Variants in MARK2 observed in about 807,000 individuals in gnomAD.
MARK2 encodes the protein serine/threonine-protein kinase MARK2.
Under a neutral mutation model 89.8 loss-of-function variants are expected in MARK2, and 16 were observed. That is an observed-to-expected ratio of 0.18 (90% CI 0.12 to 0.27). MARK2 has a LOEUF of 0.27. MARK2 is among the 10% of genes least tolerant of loss of function. MARK2 has a pLI of 1.00. For missense variants in MARK2, 621 were observed against 1,049.9 expected, an observed-to-expected ratio of 0.59 and a Z score of 5.65; for synonymous variants, 382 against 399.5, an observed-to-expected ratio of 0.96 and a Z score of 0.52.
intron 7 of MARK2, 118 bp from the exon 8 acceptor site, chr11:63,899,756 A>G: frequency 1.4e-6 from 1 of 733,508 alleles, no homozygotes. Flanking sequence ...ATTGGTGGAG[A>G]AAGTTCTGAG....
At chr11:63,899,218 C>A in intron 7 of MARK2, 110 bp downstream of exon 7, 2 of 713,380 alleles carry the variant, frequency 2.8e-6, no homozygotes, top group African/African-American at 3.6e-5. Context: ...TTCCAGGAAA[C>A]TCCAGCCTTT....
chr11:63,902,507 G>A lies in MARK2; in HGVS notation c.1235-94G>A, dbSNP rs1188609108. ...CCTCTGTGGAATGGGGGCTTGCTGG[G>A]TTGTTGGCCAGCCCTGTAGGAAATG... On this transcript the variant is annotated intron_variant, in intron 12 of 18. Coordinates refer to ENST00000402010, the MANE Select transcript of MARK2 (RefSeq NM_001039469.3). The surrounding 1 kb of genome is among the most constrained non-coding windows in gnomAD (Gnocchi z 4.2). 1.4e-6 allele frequency: 2 copies of A among 1,415,674 alleles called. No homozygotes were observed. 87.7% of individuals were successfully genotyped at this position (1,415,674 alleles called of 1,614,324 possible).
At position 63,904,794 on chromosome 11, in the gene MARK2, C is replaced by T. The variant is rs1565147580; in HGVS notation, c.1685C>T (p.Pro562Leu). The T allele has an allele frequency of 1.2e-6, 2 of 1,614,020 alleles. No individual in the cohort carries two copies. The highest frequency in any genetic ancestry group is 1.1e-5 in the South Asian group (1 of 91,066). The change falls in exon 16 of 19, where the codon CCC becomes CTC. Residue 562 changes from proline (P) to leucine (L), a missense_variant. This residue lies in a region of MARK2 where 397 missense variants were observed against 567.8 expected (regional missense o/e 0.70). Coordinates refer to ENST00000402010, the MANE Select transcript of MARK2 (RefSeq NM_001039469.3). This position sits in a 1 kb window ranked among gnomAD's most constrained non-coding sequence, Gnocchi z 6.3. ...CACTTCTCTTCCCACAGCACAGCCC[C>T]CCAGCGTGTCCCTGTTGCCTCCCCA... is the stretch of plus-strand genomic sequence containing the variant. The part of the protein sequence containing the change: ...NCEVPRPSTA[P>L]QRVPVASPSA...
At chr11:63,877,020 C>T (rs780486258) in intron 1 of MARK2, among the ~76,000 whole-genome samples, 19 of 151,432 alleles carry the variant, frequency 1.3e-4, no homozygotes, top group Non-Finnish European at 1.8e-4. Context: ...GTTCATACCA[C>T]AGAGGTTAGA....
chr11:63,857,845 T>A (rs901211420), intron 1 of MARK2, among the ~76,000 whole-genome samples: 13 of 152,104 alleles, frequency 8.5e-5, no homozygotes, highest in South Asian at 2.1e-4. Context: ...ATTTTTTTTT[T>A]ATTTTTTTAT....
intron 1 of MARK2, among the ~76,000 whole-genome samples, chr11:63,883,255 AGG>A (rs1420961618): frequency 4.6e-5 from 7 of 152,182 alleles, no homozygotes; most frequent in Non-Finnish European, 8.8e-5. Context: ...CAGAGGGCGA[AGG>A]CATGGGCACC....
intron 1 of MARK2, among the ~76,000 whole-genome samples, chr11:63,845,689 C>T (rs1676045749): frequency 6.6e-6 from 1 of 152,152 alleles, no homozygotes; most frequent in South Asian, 2.1e-4. Flanking sequence ...CTGCCACCCG[C>T]CCCCTTCCTT....
chr11:63,886,182 A>G (rs1056599199), intron 1 of MARK2, among the ~76,000 whole-genome samples: 7 of 151,464 alleles, frequency 4.6e-5, no homozygotes, highest in Non-Finnish European at 8.8e-5. Context: ...GCTGGAGTGC[A>G]GTGGCACGAT....
intron 1 of MARK2, among the ~76,000 whole-genome samples, chr11:63,847,755 A>G (rs193041737): frequency 2.0e-5 from 3 of 152,270 alleles, no homozygotes; most frequent in Admixed American, 2.0e-4. Flanking sequence ...TTTCACTGAA[A>G]GCTCTAAGAC....
At chr11:63,853,815 G>A (rs1266441580) in intron 1 of MARK2, among the ~76,000 whole-genome samples, 2 of 151,092 alleles carry the variant, frequency 1.3e-5, no homozygotes, top group Admixed American at 1.3e-4. Flanking sequence ...CTTGAATGAA[G>A]GATTAAAGAC....
rs1181705836 is a variant in MARK2, at chr11:63,902,271, C to G, written c.1175C>G (p.Ser392Cys). ...DLTNSSAPSPSHKVQRSVSAN... is the reference protein window; with the variant it reads ...DLTNSSAPSPCHKVQRSVSAN... The stretch of plus-strand genomic sequence containing the variant: ...ACCAATAGCAGCGCCCCATCCCCAT[C>G]CCACAAGGTACAGCGCAGCGTGTCG... Residue 392 changes from serine (S) to cysteine (C), a missense_variant, in exon 12 of 19, where the codon TCC becomes TGC. Ser to Cys is a moderately radical substitution (Grantham distance 112, BLOSUM62 -1). Coordinates refer to ENST00000402010, the MANE Select transcript of MARK2 (RefSeq NM_001039469.3). This position sits in a 1 kb window ranked among gnomAD's most constrained non-coding sequence, Gnocchi z 4.2. The G allele has an allele frequency of 6.2e-7, 1 of 1,614,026 alleles. No individual in the cohort carries two copies. The highest frequency in any genetic ancestry group is 8.5e-7 in the Non-Finnish European group (1 of 1,180,018).
At chr11:63,844,364 G>A (rs554950457) in intron 1 of MARK2, among the ~76,000 whole-genome samples, 1 of 152,170 alleles carries the variant, frequency 6.6e-6, no homozygotes, top group Non-Finnish European at 1.5e-5. Flanking sequence ...CATGCCTGTG[G>A]TTGCAGCTAC....
chr11:63,882,628 A>G (rs1373227908), intron 1 of MARK2: 1 of 152,044 alleles, frequency 6.6e-6, no homozygotes, highest in African/African-American at 2.4e-5. Context: ...TCATCCTTGC[A>G]CAGGGGCCAT....
chr11:63,856,549 A>G (rs1280580989), intron 1 of MARK2, among the ~76,000 whole-genome samples: 1 of 150,288 alleles, frequency 6.7e-6, no homozygotes, highest in African/African-American at 2.4e-5. Flanking sequence ...TCCGCCTCCC[A>G]AGTAGCTGAG....
At chr11:63,907,380 C>T (rs758267891) in intron 17 of MARK2, among the ~76,000 whole-genome samples, 1 of 152,206 alleles carries the variant, frequency 6.6e-6, no homozygotes, top group Non-Finnish European at 1.5e-5. Flanking sequence ...TCGCAGTGCG[C>T]TTGTGTGCAC....
chr11:63,858,726 G>T (rs1420684643), intron 1 of MARK2, among the ~76,000 whole-genome samples: 2 of 152,214 alleles, frequency 1.3e-5, no homozygotes, highest in African/African-American at 4.8e-5. Context: ...TCATCAGTAA[G>T]AGTAAAGGGA....
chr11:63,861,215 C>T (rs1937752131), intron 1 of MARK2, among the ~76,000 whole-genome samples: 1 of 152,092 alleles, frequency 6.6e-6, no homozygotes, highest in Non-Finnish European at 1.5e-5. Flanking sequence ...GCGGGCGGAT[C>T]ACGAGGTCAG....
intron 1 of MARK2, among the ~76,000 whole-genome samples, chr11:63,851,474 C>T (rs191694223): frequency 6.6e-6 from 1 of 151,686 alleles, no homozygotes; most frequent in Admixed American, 6.6e-5. Context: ...TTGTATTTTC[C>T]TCTTCCTTTT....
Position 63,903,682 on chromosome 11 carries a change from C to T in MARK2, c.1515-304C>T, listed in dbSNP as rs1444064947. On this transcript the variant is annotated intron_variant, in intron 14 of 18. Transcript: ENST00000402010. This position sits in a 1 kb window ranked among gnomAD's most constrained non-coding sequence, Gnocchi z 5.1. ...CCACTCTTTCTGTAGAAGAAACTCT[C>T]CTGTTCTTAAAATTCTTAGGAGGCC... Among the ~76,000 whole-genome samples the T allele has an allele frequency of 6.6e-6, 1 of 152,198 alleles. No homozygotes were observed. Among genetic ancestry groups the T allele is most frequent in the East Asian group, 1.9e-4 (1 of 5,202 alleles).
Sources: gnomAD v4.1 joint callset for allele counts (sites outside exome capture counted in the v4.1 genomes callset) on GRCh38, gnomAD v4.1.1 for gene constraint, gnomAD v4.1.1 regional missense constraint, Gnocchi (gnomAD v3.1) non-coding constraint, MANE v1.5 for transcripts, NCBI Gene and HGNC (gene_info 2026-07-23, HGNC 2026-07-21) for gene names.